Variants in COL9A1 observed in about 807,000 individuals in gnomAD.
The protein encoded by COL9A1 is collagen type IX alpha 1 chain.
In COL9A1, 104 loss-of-function variants were observed where a neutral mutation model predicts 142.6. The observed-to-expected ratio is 0.73, with a 90% CI of 0.62 to 0.86. COL9A1 has a LOEUF of 0.86. COL9A1 is among the 40% of genes least tolerant of loss of function. The pLI is 0.00. For missense variants in COL9A1, 1,210 were observed against 1,176.6 expected, an observed-to-expected ratio of 1.03 and a Z score of -0.42; for synonymous variants, 466 against 396.0, an observed-to-expected ratio of 1.18 and a Z score of -2.10.
intron 18 of COL9A1, among the ~76,000 whole-genome samples, chr6:70,265,782 A>AGAAAATTG (rs374300646): frequency 5.4e-4 from 82 of 152,238 alleles, no homozygotes; most frequent in African/African-American, 1.9e-3. Flanking sequence ...AATAGGTTAC[A>AGAAAATTG]GAAAATTGGT....
chr6:70,253,016 GAA>G (rs3840410), intron 26 of COL9A1, among the ~76,000 whole-genome samples: 1 of 149,536 alleles, frequency 6.7e-6, no homozygotes, highest in Admixed American at 6.7e-5. Context: ...ATCAGTATGT[GAA>G]AAAAAAAATG....
chr6:70,274,521 G>A (rs1045093802), intron 11 of COL9A1, among the ~76,000 whole-genome samples, 198 bp downstream of exon 11: 3 of 151,898 alleles, frequency 2.0e-5, no homozygotes, highest in Admixed American at 1.3e-4. Flanking sequence ...CTCCATCCAC[G>A]TCCCTGCAAA....
At chr6:70,280,704 G>A in intron 10 of COL9A1, 108 bp downstream of exon 10, 4 of 1,420,038 alleles carry the variant, frequency 2.8e-6, no homozygotes, top group South Asian at 1.2e-5. Context: ...GCCACAGCGC[G>A]TTCTCTCTCT....
Position 70,225,922 on chromosome 6 carries a change from A to G in COL9A1, c.2581+10T>C. 6.2e-7 allele frequency: 1 copy of G among 1,612,626 alleles called. No homozygotes were observed. The highest frequency in any genetic ancestry group is 1.1e-5 in the South Asian group (1 of 91,056). ...GCTACCTCCTCCTCTCAGCTATACA[A>G]CACACTTACCTGGGAGACCTATAGC... is the stretch of plus-strand genomic sequence containing the variant. On this transcript the variant is annotated intron_variant, in intron 37 of 37. Coordinates refer to ENST00000357250, the MANE Select transcript of COL9A1 (RefSeq NM_001851.6).
At chr6:70,278,881 TG>T (rs1772933095) in intron 10 of COL9A1, among the ~76,000 whole-genome samples, 1 of 152,200 alleles carries the variant, frequency 6.6e-6, no homozygotes, top group South Asian at 2.1e-4. Context: ...ATTGTCTTTA[TG>T]ACACCATGGT....
rs549275874 is a variant in COL9A1 at position 70,243,367 on chromosome 6, A to T, written c.1873-652T>A. ...ACACCAAAAATAATTTTATTTTGTG[A>T]ACCTACTTCAATTTTTTATTTGAAA... On this transcript the variant is annotated intron_variant, in intron 28 of 37. Coordinates refer to ENST00000357250, the MANE Select transcript of COL9A1 (RefSeq NM_001851.6). Among the ~76,000 whole-genome samples the T allele has an allele frequency of 8.5e-5, 13 of 152,322 alleles. No individual in the cohort carries two copies. In the East Asian group the frequency reaches 2.3e-3, roughly 27 times the overall value.
Position 70,263,314 on chromosome 6 carries a change from A to AAAAAG in COL9A1, c.1342-22_1342-18dup, listed in dbSNP as rs543377381. On this transcript the variant is annotated splice_polypyrimidine_tract_variant and intron_variant, in intron 18 of 37. Transcript: ENST00000357250. The stretch of plus-strand genomic sequence containing the variant: ...TTCTTCACCCTAAAGAAAAAAAAGA[A>AAAAAG]AAAAGAAAAGCACACCAAATGTTAT... 989 of 1,605,724 alleles carry AAAAAG rather than the reference A, an allele frequency of 6.2e-4. 4 individuals carry two copies. The African/African-American group carries it at 0.01, about 17-fold the overall frequency.
intron 14 of COL9A1, among the ~76,000 whole-genome samples, chr6:70,270,786 G>C (rs752250546): frequency 6.6e-6 from 1 of 152,202 alleles, no homozygotes; most frequent in Non-Finnish European, 1.5e-5. Context: ...TGGAATGGAA[G>C]GTTAATCTCT....
chr6:70,271,495 T>C lies in COL9A1; in HGVS notation c.1143+160A>G, dbSNP rs571383389. On this transcript the variant is annotated intron_variant, in intron 14 of 37. Transcript: ENST00000357250. The stretch of plus-strand genomic sequence containing the variant: ...AATTAAAATCACTCTGCAAAAATTA[T>C]TATTATTCCTGGTTCACATCAATAT... Among the ~76,000 whole-genome samples, 349 of 152,314 alleles carry C rather than the reference T, an allele frequency of 2.3e-3. 3 individuals carry two copies. Among genetic ancestry groups the C allele is most frequent in the African/African-American group, 7.7e-3 (320 of 41,566 alleles).
intron 6 of COL9A1, 118 bp from the exon 7 acceptor site, chr6:70,283,036 C>G (rs754539248): frequency 3.1e-6 from 5 of 1,607,166 alleles, no homozygotes; most frequent in South Asian, 1.1e-5. Flanking sequence ...CCCGCGGTCC[C>G]GCGCAGTCCA....
At position 70,281,484 on chromosome 6, in the gene COL9A1, T is replaced by C. The variant is rs372745212; in HGVS notation, c.802-20A>G. On this transcript the variant is annotated intron_variant, in intron 7 of 37. Coordinates refer to ENST00000357250, the MANE Select transcript of COL9A1 (RefSeq NM_001851.6). ...ACCTCTCTGGCAAAAATAGCAGACATAGGTTAGTGGAGCACATCGGGCAAC... is the reference window on the plus strand; with the variant it reads ...ACCTCTCTGGCAAAAATAGCAGACACAGGTTAGTGGAGCACATCGGGCAAC... 8 of 1,602,920 alleles carry C rather than the reference T, an allele frequency of 5.0e-6. No homozygotes were observed. The highest frequency in any genetic ancestry group is 6.8e-6 in the Non-Finnish European group (8 of 1,173,392).
In COL9A1 at chr6:70,294,443, C is replaced by G. The variant is rs748783496; in HGVS notation, c.420G>C (p.Glu140Asp). The G allele has an allele frequency of 1.2e-6, 2 of 1,614,126 alleles. No homozygotes were observed. ...GGCCATTAATCTTTATGCCAACTTG[C>G]TCCTTCCCAGAGGAATCCTGAATCT... Reference protein sequence around the residue: ...IWQIQDSSGKEQVGIKINGQT... With the variant: ...IWQIQDSSGKDQVGIKINGQT... Residue 140 changes from glutamate to aspartate, a missense_variant, in exon 5 of 38, where the codon GAG becomes GAC. Coordinates refer to ENST00000357250, the MANE Select transcript of COL9A1 (RefSeq NM_001851.6).
Position 70,266,700 on chromosome 6 carries a change from A to C in COL9A1, c.1341+17T>G. 1.2e-6 allele frequency: 2 copies of C among 1,602,690 alleles called. No homozygotes were observed. The highest frequency in any genetic ancestry group is 2.7e-5 in the African/African-American group (2 of 74,780). ...CTCCTAATCACAATTTATCCACTAA[A>C]TACCCATTTTCCTTACCTTGTGTCC... On this transcript the variant is annotated intron_variant, in intron 18 of 37. Coordinates refer to ENST00000357250, the MANE Select transcript of COL9A1 (RefSeq NM_001851.6).
chr6:70,256,960 GTAAT>G, intron 20 of COL9A1, 139 bp from the exon 21 acceptor site: 1 of 675,850 alleles, frequency 1.5e-6, no homozygotes, highest in Non-Finnish European at 2.5e-6. Flanking sequence ...TCCCTGAGGA[GTAAT>G]TACTCAGGCA....
intron 5 of COL9A1, among the ~76,000 whole-genome samples, chr6:70,284,254 G>T (rs536593631): frequency 7.8e-4 from 118 of 152,150 alleles, no homozygotes; most frequent in African/African-American, 2.6e-3. Flanking sequence ...TATGCTGTAA[G>T]ATTTTAGATG....
intron 20 of COL9A1, among the ~76,000 whole-genome samples, chr6:70,258,835 T>C (rs1423478191): frequency 6.6e-6 from 1 of 152,158 alleles, no homozygotes; most frequent in Non-Finnish European, 1.5e-5. Flanking sequence ...GAAAAATATC[T>C]CAAATGAAGA....
At chr6:70,231,089 C>G (rs1434543363) in intron 36 of COL9A1, among the ~76,000 whole-genome samples, 3 of 152,134 alleles carry the variant, frequency 2.0e-5, no homozygotes, top group Admixed American at 1.3e-4. Context: ...ACAGCTAGAC[C>G]TCGACCCCAG....
At chr6:70,292,852 C>G (rs1264720910) in intron 5 of COL9A1, among the ~76,000 whole-genome samples, 1 of 152,232 alleles carries the variant, frequency 6.6e-6, no homozygotes, top group Non-Finnish European at 1.5e-5. Flanking sequence ...GATGGCATAA[C>G]AGTAGTCCAA....
chr6:70,280,823 G>A lies in COL9A1; in HGVS notation c.964C>T (p.Pro322Ser). Residue 322 changes from proline to serine, a missense_variant, in exon 10 of 38, where the codon CCT becomes TCT. By Grantham distance (74) the Pro-to-Ser change is moderately conservative (BLOSUM62 -1). Coordinates refer to ENST00000357250, the MANE Select transcript of COL9A1 (RefSeq NM_001851.6). ...ACTCGCCTACTCACATCAGCGCCAG[G>A]TGTGCCAGGCTTGCCTGGAGCTCCT... ...KPGAPGKPGT[P>S]GADGLTGPDG... 3 of 1,612,946 alleles carry A rather than the reference G, an allele frequency of 1.9e-6. No homozygotes were observed. The highest frequency in any genetic ancestry group is 2.5e-6 in the Non-Finnish European group (3 of 1,179,716).
Sources: allele counts gnomAD v4.1 joint callset (sites outside exome capture counted in the v4.1 genomes callset), GRCh38; gene constraint gnomAD v4.1.1; transcripts MANE v1.5; gene names NCBI Gene and HGNC (gene_info 2026-07-23, HGNC 2026-07-21).